SUMF1: variants seen among roughly 807,000 people sequenced by gnomAD.
SUMF1 encodes the protein sulfatase modifying factor 1, also known as formylglycine-generating enzyme.
In SUMF1, 48 loss-of-function variants were observed where a neutral mutation model predicts 47.6. The ratio of observed to expected loss-of-function variants is 1.01; its 90% CI spans 0.80 to 1.28. The LOEUF is 1.28. Among genes scored for constraint, SUMF1 ranks in the 50% most tolerant of loss-of-function variants. The probability of loss-of-function intolerance (pLI) is 0.00; values close to 1 mark genes in which losing one functional copy is unlikely to be tolerated. For missense variants in SUMF1, 571 were observed against 485.4 expected (o/e 1.18, Z -1.66); for synonymous variants, 230 against 192.1 (o/e 1.20, Z -1.63).
chr3:4,356,591 TG>T (rs199886877), downstream of SUMF1, among the ~76,000 whole-genome samples: 5,779 of 150,670 alleles, frequency 0.038, 304 homozygotes, highest in African/African-American at 0.12. Context: ...TTTTTTTTTT[TG>T]CTCTGTGAAA....
chr3:4,332,820 T>C (rs191092345), intron 8 of SUMF1, among the ~76,000 whole-genome samples: 7 of 152,286 alleles, frequency 4.6e-5, no homozygotes, highest in African/African-American at 1.7e-4. Context: ...CAGGCATTCC[T>C]GTTTTAGTAC....
At chr3:4,132,022 G>C (rs755753384) in intron 8 of SUMF1, among the ~76,000 whole-genome samples, 1 of 152,168 alleles carries the variant, frequency 6.6e-6, no homozygotes, top group Non-Finnish European at 1.5e-5. Context: ...CTGAGCCCTT[G>C]ATATGGCACC....
chr3:4,390,130 G>A (rs1700808835), intron 7 of SUMF1, among the ~76,000 whole-genome samples: 1 of 152,228 alleles, frequency 6.6e-6, no homozygotes, highest in Admixed American at 6.5e-5. Context: ...GGCAGGGGAA[G>A]AGAGAAGGTG....
At chr3:4,112,562 T>C (rs1693331957) in intron 8 of SUMF1, among the ~76,000 whole-genome samples, 1 of 152,172 alleles carries the variant, frequency 6.6e-6, no homozygotes, top group Non-Finnish European at 1.5e-5. Flanking sequence ...AAGTATCTTG[T>C]GACCATCATA....
intron 8 of SUMF1, among the ~76,000 whole-genome samples, chr3:4,116,202 G>A (rs1348781400): frequency 1.3e-5 from 2 of 152,086 alleles, no homozygotes; most frequent in East Asian, 1.9e-4. Flanking sequence ...GAAAGTTAAC[G>A]TAGAAGAGGG....
At chr3:4,143,371 A>G (rs952408016) in intron 8 of SUMF1, among the ~76,000 whole-genome samples, 3 of 152,096 alleles carry the variant, frequency 2.0e-5, no homozygotes, top group Non-Finnish European at 4.4e-5. Flanking sequence ...CCTCACTACA[A>G]GACTGTCAAG....
Position 4,199,578 on chromosome 3 carries a change from C to CCATTT in SUMF1, c.1015-130838_1015-130834dup, listed in dbSNP as rs1313836668. Among the ~76,000 whole-genome samples, 2 of 152,080 alleles carry CCATTT rather than the reference C, an allele frequency of 1.3e-5. 1 individual carries two copies. Among genetic ancestry groups the CCATTT allele is most frequent in the Admixed American group, 1.3e-4 (2 of 15,266 alleles). ...TTTTTCAAAGTGGCTATATCATTTT[C>CCATTT]CATTTCCATCAGCAATGTATGAGGG... is the stretch of plus-strand genomic sequence containing the variant. On this transcript the variant is annotated intron_variant and NMD_transcript_variant, in intron 8 of 12. Coordinates refer to the SUMF1 transcript ENST00000448413.
At chr3:4,313,278 GAGA>G (rs1559217895) in intron 8 of SUMF1, 7 of 1,613,946 alleles carry the variant, frequency 4.3e-6, no homozygotes, top group Middle Eastern at 1.7e-4. Context: ...CTGAAGTTCA[GAGA>G]AGAATTCACT....
At chr3:4,464,432 G>C (rs919001312) in intron 1 of SUMF1, among the ~76,000 whole-genome samples, 3 of 146,474 alleles carry the variant, frequency 2.0e-5, no homozygotes, top group African/African-American at 8.2e-5. Context: ...GTGTGTGTGT[G>C]AGAGAGAGAG....
At chr3:4,133,199 C>G (rs558522907) in intron 8 of SUMF1, among the ~76,000 whole-genome samples, 59 of 152,222 alleles carry the variant, frequency 3.9e-4, no homozygotes, top group Non-Finnish European at 2.4e-4. Flanking sequence ...TATTTCCTTT[C>G]TCCTTTATCA....
At chr3:4,254,046 G>T (rs313664) in intron 8 of SUMF1, among the ~76,000 whole-genome samples, 23,996 of 150,306 alleles carry the variant, frequency 0.16, 2,277 homozygotes, top group South Asian at 0.37. Context: ...ACCTGCAGCT[G>T]AGGGTCCTGT....
At chr3:4,284,007 C>T (rs1575051444) in intron 8 of SUMF1, among the ~76,000 whole-genome samples, 1 of 152,138 alleles carries the variant, frequency 6.6e-6, no homozygotes, top group East Asian at 1.9e-4. Context: ...CCATTATCAT[C>T]ACCTTGGGGG....
intron 8 of SUMF1, among the ~76,000 whole-genome samples, chr3:4,180,505 G>T (rs1695070245): frequency 6.6e-6 from 1 of 151,834 alleles, no homozygotes; most frequent in African/African-American, 2.4e-5. Flanking sequence ...AGATCACTTG[G>T]ACACAGGGCG....
intron 8 of SUMF1, among the ~76,000 whole-genome samples, chr3:4,235,651 G>C (rs560082672): frequency 7.9e-5 from 12 of 152,026 alleles, no homozygotes; most frequent in Non-Finnish European, 1.5e-4. Flanking sequence ...GTACTTACAA[G>C]GGAACATCCT....
chr3:4,067,622 C>T (rs1340078281), intron 9 of SUMF1, among the ~76,000 whole-genome samples: 1 of 152,210 alleles, frequency 6.6e-6, no homozygotes, highest in Non-Finnish European at 1.5e-5. Context: ...GGCAGCTCAT[C>T]CACCTGGTTA....
chr3:4,352,536 T>A (rs1366690060), intron 8 of SUMF1, among the ~76,000 whole-genome samples: 1 of 152,116 alleles, frequency 6.6e-6, no homozygotes, highest in East Asian at 1.9e-4. Context: ...GCTGGGGACA[T>A]GGCAGGGTCC....
At chr3:4,044,056 G>T (rs1405919732) in intron 9 of SUMF1, among the ~76,000 whole-genome samples, 6 of 152,074 alleles carry the variant, frequency 3.9e-5, no homozygotes, top group African/African-American at 1.4e-4. Context: ...GGCCTCTAGG[G>T]TGCCTTCTCA....
chr3:4,405,978 T>C (rs1373335713), intron 7 of SUMF1, among the ~76,000 whole-genome samples: 3 of 152,148 alleles, frequency 2.0e-5, no homozygotes, highest in African/African-American at 4.8e-5. Context: ...AAGAGGAATA[T>C]CAGCAATCAC....
intron 8 of SUMF1, among the ~76,000 whole-genome samples, chr3:4,315,942 G>T (rs146365456): frequency 0.011 from 1,618 of 151,338 alleles, 33 homozygotes; most frequent in African/African-American, 0.037. Context: ...AGCTACTCAG[G>T]AGGCTGAGGT....
Sources: allele counts gnomAD v4.1 joint callset (sites outside exome capture counted in the v4.1 genomes callset), GRCh38; gene constraint gnomAD v4.1.1; transcripts MANE v1.5; gene names NCBI Gene and HGNC (gene_info 2026-07-23, HGNC 2026-07-21).